The following USP25 variants were observed in gnomAD, a reference collection of about 807,000 sequenced individuals.
The protein encoded by USP25 is ubiquitin carboxyl-terminal hydrolase 25.
A neutral mutation model predicts 158.5 loss-of-function variants in USP25; 85 were observed. The observed-to-expected ratio is 0.54, with a 90% confidence interval of 0.45 to 0.64. The LOEUF is 0.64. Among genes scored for constraint, USP25 ranks in the 30% least tolerant of loss-of-function variants. USP25 has a pLI of 0.00. For synonymous variants in USP25, 464 were observed against 460.4 expected (o/e 1.01, Z -0.10); for missense variants, 1,242 against 1,327.3 (o/e 0.94, Z 1.00).
chr21:15,869,412 A>G (rs1343102050), intron 22 of USP25, among the ~76,000 whole-genome samples: 1 of 152,110 alleles, frequency 6.6e-6, no homozygotes, highest in Admixed American at 6.6e-5. Flanking sequence ...TCTTGAGTCA[A>G]TTATTATAAA....
chr21:15,849,851 C>T lies in USP25; in HGVS notation c.2526C>T (p.Gly842=). 2 of 1,524,316 alleles carry T rather than the reference C, an allele frequency of 1.3e-6. No individual in the cohort carries two copies. Among genetic ancestry groups the T allele is most frequent in the Non-Finnish European group, 1.8e-6 (2 of 1,134,568 alleles). The allele number at this position is 1,524,316 out of a possible 1,614,324, so 94.4% of individuals were successfully genotyped here. ...GKSRSVYDRC[G]PEAGFFKAIK... ...CCAGGAGTGTATATGACAGGTGTGG[C>T]CCTGAAGCAGGGTTCTTTAAGGTAC... The change falls in exon 20 of 26, where the codon GGC becomes GGT. Residue 842 remains glycine (G), a synonymous_variant. Transcript: ENST00000400183.
At chr21:15,866,219 A>G (rs2146567264) in intron 21 of USP25, 47 bp from the exon 22 acceptor site, 2 of 1,191,136 alleles carry the variant, frequency 1.7e-6, no homozygotes, top group Non-Finnish European at 2.3e-6. Flanking sequence ...ATATATATAT[A>G]TACACACACA....
intron 24 of USP25, among the ~76,000 whole-genome samples, chr21:15,874,908 T>C (rs1272331489): frequency 1.3e-5 from 2 of 152,216 alleles, no homozygotes; most frequent in Non-Finnish European, 2.9e-5. Context: ...AGCTCATGCC[T>C]GTAATCCTAG....
rs1264440715 is a variant in USP25, at chr21:15,878,954, T to TA, written c.*480dup. The TA allele has an allele frequency of 6.5e-6, 1 of 152,686 alleles. No individual in the cohort carries two copies. Among genetic ancestry groups the TA allele is most frequent in the Admixed American group, 6.5e-5 (1 of 15,280 alleles). The allele number at this position is 152,686 out of a possible 1,614,324, so 9.5% of individuals were successfully genotyped here. ...ATATTGTATATTAGTGTATTAGTAATACTAGATAAATGAATTTTGTCTGGG... is the reference window on the plus strand; with the variant it reads ...ATATTGTATATTAGTGTATTAGTAATAACTAGATAAATGAATTTTGTCTGGG... On this transcript the variant is annotated 3_prime_UTR_variant, in exon 26 of 26. Transcript: ENST00000400183.
chr21:15,773,162 G>A (rs998345661), intron 3 of USP25: 1 of 152,232 alleles, frequency 6.6e-6, no homozygotes, highest in Non-Finnish European at 1.5e-5. Flanking sequence ...CAAATTCCCA[G>A]CTGGGGTACA....
chr21:15,859,779 T>G (rs1176600215), intron 20 of USP25, among the ~76,000 whole-genome samples: 1 of 151,900 alleles, frequency 6.6e-6, no homozygotes, highest in African/African-American at 2.4e-5. Flanking sequence ...TTAAAACATT[T>G]TTTCTGTATT....
intron 8 of USP25, 120 bp downstream of exon 8, chr21:15,809,005 T>G (rs911074684): frequency 3.4e-6 from 2 of 583,790 alleles, no homozygotes; most frequent in African/African-American, 4.0e-5. Context: ...ATTTTCTGTA[T>G]TATTGACAAG....
Position 15,766,361 on chromosome 21 carries a change from T to C in USP25, c.268+220T>C, listed in dbSNP as rs2034039012. On this transcript the variant is annotated intron_variant, in intron 3 of 25. Transcript: ENST00000400183. This position sits in a 1 kb window ranked among gnomAD's most constrained non-coding sequence, Gnocchi z 4.0. ...ATATAGTTTTTCATAGAGCATTTCA[T>C]ATAGAATTTATTGTTTTGAAATATG... is the stretch of plus-strand genomic sequence containing the variant. Among the ~76,000 whole-genome samples, 1 of 152,062 alleles carries C rather than the reference T, an allele frequency of 6.6e-6. No individual in the cohort carries two copies. Among genetic ancestry groups the C allele is most frequent in the Admixed American group, 6.6e-5 (1 of 15,246 alleles).
At chr21:15,837,670 C>T (rs758430003) in intron 17 of USP25, among the ~76,000 whole-genome samples, 3 of 152,164 alleles carry the variant, frequency 2.0e-5, no homozygotes, top group African/African-American at 2.4e-5. Flanking sequence ...CAAGAAGTAT[C>T]TGAAGTCCTT....
At chr21:15,730,564 GCC>G in intron 1 of USP25, 126 bp downstream of exon 1, 1 of 1,124,064 alleles carries the variant, frequency 8.9e-7, no homozygotes, top group African/African-American at 1.6e-5. Flanking sequence ...GTCACCCCCG[GCC>G]CCTGCCCATC....
intron 17 of USP25, among the ~76,000 whole-genome samples, chr21:15,835,062 C>G (rs186009653): frequency 7.7e-4 from 118 of 152,296 alleles, no homozygotes; most frequent in African/African-American, 2.7e-3. Context: ...AGAACCTGCC[C>G]CAAGATGGAG....
chr21:15,745,901 C>G (rs922943955), intron 1 of USP25, among the ~76,000 whole-genome samples: 4 of 152,218 alleles, frequency 2.6e-5, no homozygotes, highest in African/African-American at 9.6e-5. Context: ...TGAGGTGTCA[C>G]TAAGTCAAGG....
chr21:15,807,134 C>G (rs528776210), intron 7 of USP25, among the ~76,000 whole-genome samples: 7 of 152,188 alleles, frequency 4.6e-5, no homozygotes, highest in East Asian at 3.9e-4. Flanking sequence ...CCCTATGTTG[C>G]CAAGCCTGGT....
chr21:15,833,478 C>T lies in USP25; in HGVS notation c.2124C>T (p.Ala708=), dbSNP rs757832989. 1.5e-5 allele frequency: 24 copies of T among 1,613,956 alleles called. No individual in the cohort carries two copies. The highest frequency in any genetic ancestry group is 1.9e-5 in the Non-Finnish European group (22 of 1,179,966). The change falls in exon 17 of 26, where the codon GCC becomes GCT. Residue 708 remains alanine, a synonymous_variant. Transcript: ENST00000400183. ...TAGAAGAATGGGATGCACAACTTGC[C>T]CAGAAAGCTTTGCAGGAAAAGCTTT... ...KELEEWDAQL[A]QKALQEKLLA...
intron 4 of USP25, among the ~76,000 whole-genome samples, chr21:15,779,863 A>G (rs532295623): frequency 4.6e-5 from 7 of 152,222 alleles, no homozygotes; most frequent in African/African-American, 1.4e-4. Flanking sequence ...TAAAAGAGTC[A>G]TATTAATTAT....
intron 1 of USP25, among the ~76,000 whole-genome samples, chr21:15,741,301 T>C (rs1728515849): frequency 6.6e-6 from 1 of 151,922 alleles, no homozygotes; most frequent in Admixed American, 6.6e-5. Context: ...TTTTTTTTTT[T>C]TCCAGTTTTT....
intron 1 of USP25, 87 bp downstream of exon 1, chr21:15,730,525 C>G: frequency 7.8e-7 from 1 of 1,275,422 alleles, no homozygotes; most frequent in East Asian, 3.3e-5. Context: ...CCGGCCTCGC[C>G]GCCGCCGCCT....
At chr21:15,775,829 C>T (rs1178015505) in intron 3 of USP25, among the ~76,000 whole-genome samples, 1 of 144,742 alleles carries the variant, frequency 6.9e-6, no homozygotes, top group African/African-American at 2.6e-5. Flanking sequence ...TCATCCAAAA[C>T]CCTAACTGCC....
At chr21:15,748,454 G>GTTTTTTTTTT (rs71331787) in intron 1 of USP25, among the ~76,000 whole-genome samples, 6 of 78,994 alleles carry the variant, frequency 7.6e-5, no homozygotes, top group South Asian at 4.7e-4. Flanking sequence ...CTACTTTTTA[G>GTTTTTTTTTT]TTTTTTTTTT....
Sources: allele counts gnomAD v4.1 joint callset (sites outside exome capture counted in the v4.1 genomes callset), GRCh38; gene constraint gnomAD v4.1.1; non-coding constraint Gnocchi (gnomAD v3.1); transcripts MANE v1.5; gene names NCBI Gene and HGNC (gene_info 2026-07-23, HGNC 2026-07-21).